Variants in TM4SF4 observed in about 807,000 individuals in gnomAD.
The protein encoded by TM4SF4 is transmembrane 4 L six family member 4.
A neutral mutation model predicts 24.1 loss-of-function variants in TM4SF4; 24 were observed. That is an observed-to-expected ratio of 1.00 (90% CI 0.72 to 1.40). TM4SF4 has a LOEUF of 1.40. Among genes scored for constraint, TM4SF4 ranks in the 40% most tolerant of loss-of-function variants. TM4SF4 has a pLI of 0.00. For missense variants in TM4SF4, 254 were observed against 254.2 expected, an observed-to-expected ratio of 1.00 and a Z score of 0.01; for synonymous variants, 113 against 97.0, an observed-to-expected ratio of 1.17 and a Z score of -0.97.
intron 3 of TM4SF4, among the ~76,000 whole-genome samples, chr3:149,492,997 G>T (rs1044637637): frequency 1.3e-5 from 2 of 152,094 alleles, no homozygotes; most frequent in Non-Finnish European, 2.9e-5. Flanking sequence ...TATCTCTCAG[G>T]CTTCATCTGT....
chr3:149,495,598 CTGG>C, intron 3 of TM4SF4: 1 of 345,008 alleles, frequency 2.9e-6, no homozygotes, highest in Non-Finnish European at 5.8e-6. Flanking sequence ...GGCAACATTG[CTGG>C]TAACAGCAAA....
intron 4 of TM4SF4, among the ~76,000 whole-genome samples, chr3:149,500,305 A>T (rs943349655): frequency 2.0e-5 from 3 of 152,108 alleles, no homozygotes; most frequent in Non-Finnish European, 4.4e-5. Context: ...CATTATTTCT[A>T]GGTAAGAAGA....
chr3:149,493,961 A>C (rs1458164411), intron 3 of TM4SF4, among the ~76,000 whole-genome samples: 1 of 152,234 alleles, frequency 6.6e-6, no homozygotes, highest in East Asian at 1.9e-4. Context: ...GAGTTCTGTG[A>C]AATTCGTGCC....
chr3:149,480,923 C>T lies in TM4SF4; in HGVS notation c.264+5011C>T, dbSNP rs1475765486. ...CGGGCTGGTGTGCAAGAGGTTGGCG[C>T]GATCTCGGCTCGCTGCAACCTCCGC... On this transcript the variant is annotated intron_variant, in intron 2 of 4. Transcript: ENST00000305354. 3.3e-5 allele frequency among the ~76,000 whole-genome samples: 5 copies of T among 152,186 alleles called. No homozygotes were observed. In the East Asian group the frequency reaches 9.7e-4, roughly 29 times the overall value.
chr3:149,500,007 T>C (rs1168547030), intron 4 of TM4SF4, among the ~76,000 whole-genome samples: 2 of 152,206 alleles, frequency 1.3e-5, no homozygotes, highest in Non-Finnish European at 2.9e-5. Context: ...CCCTCCGGCC[T>C]TTGTCTTCTA....
chr3:149,486,841 T>TAATGAGGGCC (rs1429164844), intron 2 of TM4SF4, among the ~76,000 whole-genome samples: 1 of 152,118 alleles, frequency 6.6e-6, no homozygotes, highest in Non-Finnish European at 1.5e-5. Flanking sequence ...TCGAGGAACA[T>TAATGAGGGCC]AATGAGGGCC....
At chr3:149,486,673 A>G (rs1373875471) in intron 2 of TM4SF4, among the ~76,000 whole-genome samples, 1 of 152,208 alleles carries the variant, frequency 6.6e-6, no homozygotes, top group Non-Finnish European at 1.5e-5. Context: ...AATCTCCATC[A>G]TAGAAAAATA....
chr3:149,480,278 G>T (rs1201686497), intron 2 of TM4SF4, among the ~76,000 whole-genome samples: 1 of 152,136 alleles, frequency 6.6e-6, no homozygotes, highest in Non-Finnish European at 1.5e-5. Context: ...CTCTTGGGGC[G>T]CAGTGGGGGA....
chr3:149,478,986 C>T (rs1255589519), intron 2 of TM4SF4, among the ~76,000 whole-genome samples: 2 of 152,128 alleles, frequency 1.3e-5, no homozygotes, highest in Non-Finnish European at 2.9e-5. Flanking sequence ...AGGCTGGTCT[C>T]GAACTCCTGA....
intron 3 of TM4SF4, among the ~76,000 whole-genome samples, chr3:149,498,435 G>T (rs1734353761): frequency 6.6e-6 from 1 of 152,160 alleles, no homozygotes; most frequent in African/African-American, 2.4e-5. Flanking sequence ...GCCTCTCTGT[G>T]CCTCTGCTTC....
At chr3:149,484,205 TACA>T (rs1207481409) in intron 2 of TM4SF4, among the ~76,000 whole-genome samples, 32 of 152,332 alleles carry the variant, frequency 2.1e-4, no homozygotes, top group African/African-American at 7.7e-4. Context: ...TGAGTCTGAA[TACA>T]ACATTTATGT....
At chr3:149,493,116 T>G (rs764031542) in intron 3 of TM4SF4, among the ~76,000 whole-genome samples, 3 of 152,220 alleles carry the variant, frequency 2.0e-5, no homozygotes, top group African/African-American at 4.8e-5. Flanking sequence ...CTTGCTTGAT[T>G]CAGCCTTATT....
rs1733921084 is a variant in TM4SF4 at position 149,475,931 on chromosome 3, C to T, written c.264+19C>T. 1 of 1,596,962 alleles carries T rather than the reference C, an allele frequency of 6.3e-7. No homozygotes were observed. Among genetic ancestry groups the T allele is most frequent in the Non-Finnish European group, 8.6e-7 (1 of 1,168,986 alleles). On this transcript the variant is annotated intron_variant, in intron 2 of 4. Transcript: ENST00000305354. ...ATTTGCGGTGAGTTACCATGGGGGG[C>T]AGCTACTAGAATTACTCCAGGGTGC...
chr3:149,491,010 G>A (rs1734201120), intron 3 of TM4SF4, among the ~76,000 whole-genome samples: 1 of 151,230 alleles, frequency 6.6e-6, no homozygotes, highest in Non-Finnish European at 1.5e-5. Flanking sequence ...CAGTGAGTAA[G>A]TGCTAAGTGT....
rs2107864875 is a variant in TM4SF4 at position 149,475,843 on chromosome 3, G to A, written c.195G>A (p.Val65=). 1 of 1,612,572 alleles carries A rather than the reference G, an allele frequency of 6.2e-7. No individual in the cohort carries two copies. Among genetic ancestry groups the A allele is most frequent in the Non-Finnish European group, 8.5e-7 (1 of 1,179,372 alleles). The change falls in exon 2 of 5, where the codon GTG becomes GTA. Residue 65 remains valine, a synonymous_variant. Transcript: ENST00000305354. ...GGTAGATGATCTTCCCTGCGCTGGT[G>A]TTCTTGGGCCTGAAGAACAATGACT... ...SGVLMIFPAL[V]FLGLKNNDCC... is the part of the protein sequence containing the mutation.
chr3:149,501,665 G>A (rs762732820), intron 4 of TM4SF4, among the ~76,000 whole-genome samples: 1 of 152,230 alleles, frequency 6.6e-6, no homozygotes, highest in Non-Finnish European at 1.5e-5. Flanking sequence ...AGGACACTGA[G>A]GAAAGACTTG....
At chr3:149,491,080 GA>G (rs1229537892) in intron 3 of TM4SF4, among the ~76,000 whole-genome samples, 1 of 151,762 alleles carries the variant, frequency 6.6e-6, no homozygotes, top group African/African-American at 2.4e-5. Context: ...TTTTATCCCT[GA>G]AGGAGAAAAA....
At chr3:149,480,430 T>C (rs1334683880) in intron 2 of TM4SF4, among the ~76,000 whole-genome samples, 1 of 152,188 alleles carries the variant, frequency 6.6e-6, no homozygotes, top group African/African-American at 2.4e-5. Context: ...GGTAGGCATG[T>C]ATTTCACCAT....
At position 149,498,772 on chromosome 3, in the gene TM4SF4, A is replaced by T; in HGVS notation, c.452A>T (p.Asn151Ile). ...TGGAACAAGTGCCGAGAGCCTCTCA[A>T]TGTGGTTCCCTGGAATCTGACCCTC... ...ALWNKCREPL[N>I]VVPWNLTLFS... Residue 151 changes from asparagine (N) to isoleucine (I), a missense_variant, in exon 4 of 5, where the codon AAT becomes ATT. Asn to Ile is a moderately radical substitution (Grantham distance 149). Transcript: ENST00000305354. 6.2e-7 allele frequency: 1 copy of T among 1,614,002 alleles called. No individual in the cohort carries two copies. Among genetic ancestry groups the T allele is most frequent in the Non-Finnish European group, 8.5e-7 (1 of 1,179,882 alleles).
Sources: allele counts gnomAD v4.1 joint callset (sites outside exome capture counted in the v4.1 genomes callset), GRCh38; gene constraint gnomAD v4.1.1; transcripts MANE v1.5; gene names NCBI Gene and HGNC (gene_info 2026-07-23, HGNC 2026-07-21).